Variants in CALD1 observed in about 807,000 individuals in gnomAD.
CALD1 encodes the protein caldesmon.
CALD1 carries 33 observed loss-of-function variants against 99.9 expected under a neutral mutation model. The ratio of observed to expected loss-of-function variants is 0.33; its 90% CI spans 0.25 to 0.44. The LOEUF (loss-of-function observed/expected upper bound fraction) is 0.44, where lower values mean the gene tolerates loss of function less well. Ranked by LOEUF, CALD1 falls within the 20% of genes least tolerant of loss-of-function variation. CALD1 has a pLI of 1.00. For missense variants in CALD1, 861 were observed against 962.1 expected, an observed-to-expected ratio of 0.89 and a Z score of 1.39; for synonymous variants, 310 against 325.0, an observed-to-expected ratio of 0.95 and a Z score of 0.50.
chr7:134,964,118 A>T lies in CALD1; in HGVS notation c.2296-1188A>T, dbSNP rs190757041. ...AGGCTGAGGCAGGAGAATCGCTTGA[A>T]CCCGGGAGTCGGAGGTTGCAGTGAG... is the stretch of plus-strand genomic sequence containing the variant. On this transcript the variant is annotated intron_variant, in intron 13 of 14. Coordinates refer to ENST00000361675, the MANE Select transcript of CALD1 (RefSeq NM_033138.4). Among the ~76,000 whole-genome samples the T allele has an allele frequency of 8.7e-3, 1,316 of 151,990 alleles. 15 individuals carry two copies. The highest frequency in any genetic ancestry group is 0.016 in the Non-Finnish European group (1,068 of 67,958).
chr7:134,727,494 A>G, the CALD1 span, among the ~76,000 whole-genome samples: 1 of 152,270 alleles, frequency 6.6e-6, no homozygotes, highest in Middle Eastern at 3.2e-3. Flanking sequence ...GAGCTCTGCC[A>G]GGCATGGCGG....
intron 3 of CALD1, among the ~76,000 whole-genome samples, chr7:134,886,571 T>C (rs1028270651): frequency 6.6e-6 from 1 of 152,164 alleles, no homozygotes; most frequent in Non-Finnish European, 1.5e-5. Flanking sequence ...TGGTTTCCCG[T>C]TTGAAGAGTT....
the CALD1 span, among the ~76,000 whole-genome samples, chr7:134,721,882 C>A: frequency 6.6e-6 from 1 of 152,110 alleles, no homozygotes; most frequent in Non-Finnish European, 1.5e-5. Context: ...TGGGGTAGCT[C>A]GTGCTGTGTA....
intron 2 of CALD1, among the ~76,000 whole-genome samples, chr7:134,853,066 C>G (rs1460746372): frequency 1.3e-5 from 2 of 152,156 alleles, no homozygotes; most frequent in Admixed American, 6.5e-5. Context: ...TAGAAAGATG[C>G]CCTCTTTCAT....
the CALD1 span, among the ~76,000 whole-genome samples, chr7:134,712,216 G>A: frequency 6.6e-6 from 1 of 152,202 alleles, no homozygotes; most frequent in Admixed American, 6.5e-5. Flanking sequence ...AACAAGTACA[G>A]ATCTCTTACC....
At chr7:134,880,963 C>G (rs969622643) in intron 3 of CALD1, among the ~76,000 whole-genome samples, 1 of 152,052 alleles carries the variant, frequency 6.6e-6, no homozygotes, top group African/African-American at 2.4e-5. Context: ...ATTCCCAAAT[C>G]CTTTAGTCCC....
chr7:134,834,228 C>G (rs139427501), intron 1 of CALD1, among the ~76,000 whole-genome samples: 1 of 152,286 alleles, frequency 6.6e-6, no homozygotes, highest in East Asian at 1.9e-4. Context: ...GTATTTATCG[C>G]TTGTTACACT....
intron 3 of CALD1, among the ~76,000 whole-genome samples, chr7:134,880,135 T>C (rs1160242494): frequency 6.6e-6 from 1 of 152,240 alleles, no homozygotes; most frequent in African/African-American, 2.4e-5. Context: ...TTCCAGCAGA[T>C]TGTTCAATAT....
chr7:134,820,267 C>A (rs1477732366), intron 1 of CALD1, among the ~76,000 whole-genome samples: 1 of 152,142 alleles, frequency 6.6e-6, no homozygotes, highest in Non-Finnish European at 1.5e-5. Flanking sequence ...GGACAATGAC[C>A]TAAAAGCTAT....
At chr7:134,929,851 T>C (rs1045838495) in intron 4 of CALD1, among the ~76,000 whole-genome samples, 1 of 150,954 alleles carries the variant, frequency 6.6e-6, no homozygotes, top group Admixed American at 6.6e-5. Flanking sequence ...TAGTTCTACT[T>C]TTAGTTCTTT....
At position 134,796,518 on chromosome 7, in the gene CALD1, G is replaced by A. The variant is rs763372219; in HGVS notation, c.-130+16769G>A. 9.9e-5 allele frequency among the ~76,000 whole-genome samples: 15 copies of A among 152,036 alleles called. No homozygotes were observed. In the East Asian group the frequency reaches 1.3e-3, roughly 14 times the overall value. On this transcript the variant is annotated intron_variant, in intron 1 of 14. Coordinates refer to ENST00000361675, the MANE Select transcript of CALD1 (RefSeq NM_033138.4). ...AGTTTCCAATAATCATCTCATGCACGAGAGCTGACTCCCTCTGCTGGGGCT... is the reference window on the plus strand; with the variant it reads ...AGTTTCCAATAATCATCTCATGCACAAGAGCTGACTCCCTCTGCTGGGGCT...
chr7:134,813,091 A>C (rs1202816244), intron 1 of CALD1, among the ~76,000 whole-genome samples: 1 of 152,230 alleles, frequency 6.6e-6, no homozygotes, highest in African/African-American at 2.4e-5. Context: ...GTATTAATTA[A>C]GATGAGAATT....
intron 2 of CALD1, among the ~76,000 whole-genome samples, chr7:134,852,175 G>T (rs1447862313): frequency 6.6e-6 from 1 of 152,136 alleles, no homozygotes; most frequent in East Asian, 1.9e-4. Context: ...AAGCTGAAAG[G>T]GAGGGTGGTT....
At chr7:134,801,424 G>T (rs1246418669) in intron 1 of CALD1, among the ~76,000 whole-genome samples, 2 of 151,766 alleles carry the variant, frequency 1.3e-5, no homozygotes, top group Non-Finnish European at 2.9e-5. Flanking sequence ...CCTATTTCTG[G>T]GTTCAAATTC....
intron 2 of CALD1, among the ~76,000 whole-genome samples, chr7:134,863,190 G>A (rs1213251874): frequency 6.6e-6 from 1 of 152,122 alleles, no homozygotes; most frequent in Admixed American, 6.5e-5. Flanking sequence ...GAGTTGGGGA[G>A]GGGGGAATAT....
intron 1 of CALD1, among the ~76,000 whole-genome samples, chr7:134,781,932 A>T (rs1486243736): frequency 6.6e-6 from 1 of 152,242 alleles, no homozygotes; most frequent in East Asian, 1.9e-4. Flanking sequence ...GAGAATCATT[A>T]ACAATTCTAA....
At chr7:134,899,404 T>C (rs1190766847) in intron 3 of CALD1, among the ~76,000 whole-genome samples, 1 of 152,150 alleles carries the variant, frequency 6.6e-6, no homozygotes, top group African/African-American at 2.4e-5. Context: ...GGTTTCACCA[T>C]GTTGGCCACG....
intron 7 of CALD1, among the ~76,000 whole-genome samples, chr7:134,942,427 T>C (rs1250653128): frequency 2.0e-5 from 3 of 152,164 alleles, no homozygotes; most frequent in Non-Finnish European, 4.4e-5. Context: ...TTCATATTTA[T>C]CCAAAGGAGA....
chr7:134,918,392 A>T (rs1344161486), intron 3 of CALD1, among the ~76,000 whole-genome samples: 5 of 152,248 alleles, frequency 3.3e-5, no homozygotes, highest in Non-Finnish European at 7.3e-5. Flanking sequence ...ATTGATATAA[A>T]CATAGATGAA....
Sources: allele counts gnomAD v4.1 joint callset (sites outside exome capture counted in the v4.1 genomes callset), GRCh38; gene constraint gnomAD v4.1.1; transcripts MANE v1.5; gene names NCBI Gene and HGNC (gene_info 2026-07-23, HGNC 2026-07-21).